DCHS2: variants seen among roughly 807,000 people sequenced by gnomAD.
DCHS2 encodes the protein protocadherin-23.
In DCHS2, 142 loss-of-function variants were observed where a neutral mutation model predicts 182.4. The observed-to-expected ratio is 0.78, with a 90% CI of 0.68 to 0.89. The LOEUF is 0.89. DCHS2 is among the 40% of genes least tolerant of loss of function. The probability of loss-of-function intolerance (pLI) is 0.00; values close to 1 mark genes in which losing one functional copy is unlikely to be tolerated. For synonymous variants in DCHS2, 1,740 were observed against 1,663.3 expected (o/e 1.05, Z -1.12); for missense variants, 4,319 against 4,198.6 (o/e 1.03, Z -0.79).
chr4:154,491,347 A>C lies in DCHS2; in HGVS notation c.9T>G (p.Pro3=). 6.5e-7 allele frequency: 1 copy of C among 1,533,550 alleles called. No individual in the cohort carries two copies. Among genetic ancestry groups the C allele is most frequent in the Non-Finnish European group, 8.8e-7 (1 of 1,136,160 alleles). 95.0% of individuals were successfully genotyped at this position (1,533,550 alleles called of 1,614,324 possible). A position where few individuals can be genotyped will look rare whatever the true frequency, so the allele number is the denominator to read the frequency against. Reference sequence around the variant, plus strand: ...GCCCTTCGCCCATCTTCCGCCCACAAGGGCTCATTTCTCCTCCAGCTCCTT... The same window carrying C: ...GCCCTTCGCCCATCTTCCGCCCACACGGGCTCATTTCTCCTCCAGCTCCTT... MS[P]CGRKMGEGRQ... Residue 3 remains proline, a synonymous_variant, in exon 1 of 20, where the codon CCT becomes CCG. Transcript: ENST00000357232.
chr4:154,295,789 G>C (rs372542125), intron 13 of DCHS2, among the ~76,000 whole-genome samples: 1 of 152,134 alleles, frequency 6.6e-6, no homozygotes, highest in Non-Finnish European at 1.5e-5. Flanking sequence ...CACAGAGGCC[G>C]ACCCACTCAA....
At chr4:154,409,389 G>A (rs1732530308) in intron 1 of DCHS2, among the ~76,000 whole-genome samples, 1 of 152,088 alleles carries the variant, frequency 6.6e-6, no homozygotes, top group South Asian at 2.1e-4. Context: ...TTTCCACTGT[G>A]CCTTATTGGT....
At chr4:154,352,806 G>A (rs1306506437) in intron 3 of DCHS2, among the ~76,000 whole-genome samples, 3 of 152,150 alleles carry the variant, frequency 2.0e-5, no homozygotes, top group East Asian at 1.9e-4. Flanking sequence ...CAGGACATTC[G>A]CAAAATCCTA....
intron 1 of DCHS2, among the ~76,000 whole-genome samples, chr4:154,394,505 G>A (rs935095202): frequency 6.6e-6 from 1 of 152,122 alleles, no homozygotes; most frequent in African/African-American, 2.4e-5. Context: ...ACATCCAACA[G>A]GAATATCTTA....
Position 154,320,625 on chromosome 4 carries a change from G to T in DCHS2, c.4774C>A (p.Gln1592Lys). Residue 1592 changes from glutamine to lysine, a missense_variant, in exon 9 of 20, where the codon CAG (glutamine) becomes AAG (lysine). Transcript: ENST00000357232. ...TVILTVTASD[Q>K]AVNVTDRRLR... Reference sequence around the variant, plus strand: ...CGCCGGTCTGTCACATTCACAGCCTGATCAGATGCTGTTACTGTCAGGATG... The same window carrying T: ...CGCCGGTCTGTCACATTCACAGCCTTATCAGATGCTGTTACTGTCAGGATG... The T allele has an allele frequency of 6.2e-7, 1 of 1,614,136 alleles. No individual in the cohort carries two copies. The highest frequency in any genetic ancestry group is 8.5e-7 in the Non-Finnish European group (1 of 1,180,004).
intron 3 of DCHS2, among the ~76,000 whole-genome samples, chr4:154,342,619 C>CA (rs1729161107): frequency 6.6e-6 from 1 of 152,084 alleles, no homozygotes; most frequent in African/African-American, 2.4e-5. Context: ...TTTGCTCATC[C>CA]AAAAAAGCAA....
intron 13 of DCHS2, among the ~76,000 whole-genome samples, chr4:154,280,828 CTT>C (rs547237868): frequency 3.9e-4 from 55 of 139,820 alleles, no homozygotes; most frequent in Admixed American, 6.4e-4. Context: ...ATGCTCACTT[CTT>C]TTTTTTTTTT....
chr4:154,386,980 A>G (rs1164099271), intron 1 of DCHS2, among the ~76,000 whole-genome samples: 1 of 152,244 alleles, frequency 6.6e-6, no homozygotes, highest in Non-Finnish European at 1.5e-5. Flanking sequence ...CTAGGCAAAA[A>G]GAAAAGAAAA....
chr4:154,474,940 G>A (rs773350321), intron 1 of DCHS2, among the ~76,000 whole-genome samples: 5 of 152,050 alleles, frequency 3.3e-5, no homozygotes, highest in Non-Finnish European at 7.4e-5. Flanking sequence ...GAATGAATTC[G>A]TTTTTATATT....
Position 154,232,120 on chromosome 4 carries a change from C to T in DCHS2, c.*2416G>A, listed in dbSNP as rs1174735120. 6.6e-6 allele frequency: 1 copy of T among 152,116 alleles called. No homozygotes were observed. The highest frequency in any genetic ancestry group is 1.5e-5 in the Non-Finnish European group (1 of 68,010). 9.4% of individuals were successfully genotyped at this position (152,116 alleles called of 1,614,324 possible). A position where few individuals can be genotyped will look rare whatever the true frequency, so the allele number is the denominator to read the frequency against. On this transcript the variant is annotated 3_prime_UTR_variant, in exon 20 of 20. Transcript: ENST00000357232. ...TTTTCCACTAACAAGTTCTGTACCCCCTCCAGAGTGCTAAAGCCAGTGCAT... is the reference window on the plus strand; with the variant it reads ...TTTTCCACTAACAAGTTCTGTACCCTCTCCAGAGTGCTAAAGCCAGTGCAT...
rs1736030862 is a variant in DCHS2, at chr4:154,320,819, G to A, written c.4580C>T (p.Thr1527Ile). 1.2e-6 allele frequency: 2 copies of A among 1,614,004 alleles called. No individual in the cohort carries two copies. Among genetic ancestry groups the A allele is most frequent in the Middle Eastern group, 3.3e-4 (2 of 6,062 alleles). ...ISVEENVPIG[T>I]LVYVFNAKDD... ...TTTGGCATTGAAGACATACACCAGGGTTCCTATGGGAACATTCTCCTCTAC... is the reference window on the plus strand; with the variant it reads ...TTTGGCATTGAAGACATACACCAGGATTCCTATGGGAACATTCTCCTCTAC... Residue 1527 changes from threonine to isoleucine, a missense_variant, in exon 9 of 20, where the codon ACC (threonine) becomes ATC (isoleucine). Thr to Ile is a moderately conservative substitution (Grantham distance 89). Coordinates refer to ENST00000357232, the MANE Select transcript of DCHS2 (RefSeq NM_001358235.2).
In DCHS2 at chr4:154,490,149, C is replaced by T. The variant is rs747125781; in HGVS notation, c.1207G>A (p.Val403Met). ...GGCCGGTTGTCATTCACGTCCAGCA[C>T]GGCGATGGACACGCGCACCGTGGCA... ...EVATVRVSIA[V>M]LDVNDNRPAI... The change falls in exon 1 of 20, where the codon GTG becomes ATG. Residue 403 changes from valine (V) to methionine (M), a missense_variant. By Grantham distance (21) the Val-to-Met change is conservative. Transcript: ENST00000357232. 11 of 1,548,772 alleles carry T rather than the reference C, an allele frequency of 7.1e-6. No individual in the cohort carries two copies. The highest frequency in any genetic ancestry group is 9.6e-6 in the Non-Finnish European group (11 of 1,145,996).
intron 1 of DCHS2, among the ~76,000 whole-genome samples, chr4:154,384,187 T>C (rs1337291743): frequency 6.6e-6 from 1 of 152,192 alleles, no homozygotes; most frequent in Admixed American, 6.5e-5. Flanking sequence ...AGTATGCCAC[T>C]CTCTGAACAC....
rs70947162 is a variant in DCHS2, at chr4:154,378,520, AGAAG to A, written c.2053-1080_2053-1077del. ...GGGTGGGAAGGAAGGAAGGAAGGAA[AGAAG>A]GAAGGAAGGAAGGAAGGAAGGAAGG... On this transcript the variant is annotated intron_variant, in intron 1 of 19. Transcript: ENST00000357232. 4.3e-3 allele frequency among the ~76,000 whole-genome samples: 278 copies of A among 64,102 alleles called. 1 individual carries two copies. The highest frequency in any genetic ancestry group is 8.9e-3 in the African/African-American group (190 of 21,410). The allele number at this position is 64,102 out of a possible 152,430, so 42.1% of individuals were successfully genotyped here.
In DCHS2 at chr4:154,367,786, A is replaced by G. The variant is rs77028870; in HGVS notation, c.2245-1345T>C. Among the ~76,000 whole-genome samples the G allele has an allele frequency of 1.9e-3, 289 of 152,142 alleles. 2 individuals are homozygous for G. The highest frequency in any genetic ancestry group is 7.4e-3 in the East Asian group (38 of 5,150). On this transcript the variant is annotated intron_variant, in intron 2 of 19. Transcript: ENST00000357232. ...GCAAGGAGGAAAAATGACAAGGAGG[A>G]AGAAGATTTGGCAAGGGACAGAGGG...
chr4:154,355,350 A>G (rs1360852463), intron 3 of DCHS2, among the ~76,000 whole-genome samples: 2 of 152,038 alleles, frequency 1.3e-5, no homozygotes, highest in Non-Finnish European at 1.5e-5. Context: ...ATGACAGTTT[A>G]CAAATGCCAT....
At chr4:154,456,080 A>C (rs1278357617) in intron 1 of DCHS2, among the ~76,000 whole-genome samples, 2 of 150,450 alleles carry the variant, frequency 1.3e-5, no homozygotes, top group African/African-American at 5.0e-5. Context: ...ACAGAGCAAG[A>C]CTCCATTTAA....
chr4:154,232,210 A>G lies in DCHS2; in HGVS notation c.*2326T>C, dbSNP rs1053545465. 1.3e-5 allele frequency: 2 copies of G among 152,130 alleles called. No individual in the cohort carries two copies. Among genetic ancestry groups the G allele is most frequent in the African/African-American group, 4.8e-5 (2 of 41,446 alleles). The allele number at this position is 152,130 out of a possible 1,614,324, so 9.4% of individuals were successfully genotyped here. A position where few individuals can be genotyped will look rare whatever the true frequency, so the allele number is the denominator to read the frequency against. ...TATTAAACTTGAAGGAAAAATGTAC[A>G]AATTATATTGTTTACTTAGGAAAAA... On this transcript the variant is annotated 3_prime_UTR_variant, in exon 20 of 20. Coordinates refer to ENST00000357232, the MANE Select transcript of DCHS2 (RefSeq NM_001358235.2).
intron 1 of DCHS2, among the ~76,000 whole-genome samples, chr4:154,422,067 T>G (rs1733136507): frequency 6.6e-6 from 1 of 152,206 alleles, no homozygotes; most frequent in Non-Finnish European, 1.5e-5. Flanking sequence ...ATACTCTTGA[T>G]TTTCTTCCTA....
Sources: allele counts gnomAD v4.1 joint callset (sites outside exome capture counted in the v4.1 genomes callset), GRCh38; gene constraint gnomAD v4.1.1; transcripts MANE v1.5; gene names NCBI Gene and HGNC (gene_info 2026-07-23, HGNC 2026-07-21).